The following TMEM132B variants were observed in gnomAD, a reference collection of about 807,000 sequenced individuals.
TMEM132B encodes the protein transmembrane protein 132B.
TMEM132B carries 18 observed loss-of-function variants against 90.8 expected under a neutral mutation model. That is an observed-to-expected ratio of 0.20 (90% CI 0.14 to 0.29). The LOEUF is 0.29. TMEM132B is among the 10% of genes least tolerant of loss of function. The pLI is 1.00. For synonymous variants in TMEM132B, 504 were observed against 523.3 expected (o/e 0.96, Z 0.50); for missense variants, 1,096 against 1,326.8 (o/e 0.83, Z 2.70).
intron 1 of TMEM132B, among the ~76,000 whole-genome samples, chr12:125,297,245 G>A (rs551503227): frequency 3.9e-5 from 6 of 152,196 alleles, no homozygotes; most frequent in Non-Finnish European, 5.9e-5. Context: ...GAAGGGGATC[G>A]TCTCATGTCC....
intron 1 of TMEM132B, among the ~76,000 whole-genome samples, chr12:125,195,026 T>C (rs1872894176): frequency 6.6e-6 from 1 of 152,166 alleles, no homozygotes; most frequent in African/African-American, 2.4e-5. Flanking sequence ...TTCTGGGCAG[T>C]GTTGGCCTCG....
intron 3 of TMEM132B, among the ~76,000 whole-genome samples, chr12:125,515,858 TCC>T (rs1883139124): frequency 6.6e-6 from 1 of 151,404 alleles, no homozygotes; most frequent in African/African-American, 2.4e-5. Flanking sequence ...CCACACATTC[TCC>T]CTGTCACACA....
chr12:125,219,440 C>A (rs1039718945), intron 1 of TMEM132B, among the ~76,000 whole-genome samples: 3 of 152,152 alleles, frequency 2.0e-5, no homozygotes, highest in African/African-American at 7.2e-5. Context: ...CTGGAGTGGG[C>A]AGCTGTTTGT....
chr12:125,531,176 T>TTTTTG (rs1439794267), intron 4 of TMEM132B, among the ~76,000 whole-genome samples: 1 of 152,140 alleles, frequency 6.6e-6, no homozygotes, highest in Admixed American at 6.5e-5. Context: ...TTTTCTTTTC[T>TTTTTG]TTTTGTTTTG....
chr12:125,637,202 T>G (rs1008493510), intron 5 of TMEM132B, among the ~76,000 whole-genome samples: 1 of 152,228 alleles, frequency 6.6e-6, no homozygotes, highest in Admixed American at 6.5e-5. Flanking sequence ...TCTGGCTGTC[T>G]TGATTTTGTC....
chr12:125,542,749 G>A (rs570452135), intron 4 of TMEM132B, among the ~76,000 whole-genome samples: 1 of 152,288 alleles, frequency 6.6e-6, no homozygotes, highest in South Asian at 2.1e-4. Context: ...ATGGACACTT[G>A]GGTTGCTGCC....
At chr12:125,304,223 G>A (rs958981178) in intron 1 of TMEM132B, among the ~76,000 whole-genome samples, 53 of 152,320 alleles carry the variant, frequency 3.5e-4, no homozygotes, top group Admixed American at 6.5e-4. Context: ...GATGGGGAGC[G>A]GCGGTAAACA....
In TMEM132B at chr12:125,519,488, A is replaced by G. The variant is rs575623220; in HGVS notation, c.1156A>G (p.Asn386Asp). Residue 386 changes from asparagine to aspartate, a missense_variant, in exon 4 of 9, where the codon AAT becomes GAT. Physicochemically the swap from Asn to Asp is conservative, Grantham distance 23 (BLOSUM62 1). Coordinates refer to ENST00000682704, the MANE Select transcript of TMEM132B (RefSeq NM_001366854.1). ...CTTGCAAGTGGACTTTGGAATTGAT[A>G]ATAGCAGTGACCTGGCTGGGGCCCA... ...EILQVDFGIDNSSDLAGAQQI... is the reference protein window; with the variant it reads ...EILQVDFGIDDSSDLAGAQQI... The G allele has an allele frequency of 6.2e-7, 1 of 1,614,088 alleles. No homozygotes were observed. Among genetic ancestry groups the G allele is most frequent in the African/African-American group, 1.3e-5 (1 of 75,050 alleles).
intron 3 of TMEM132B, among the ~76,000 whole-genome samples, chr12:125,451,630 GTTT>G (rs34121565): frequency 1.4e-5 from 2 of 145,264 alleles, no homozygotes; most frequent in Admixed American, 6.8e-5. Flanking sequence ...GTGGTCTACT[GTTT>G]TTTTTTTTTT....
chr12:125,188,851 G>GGAAA (rs1957776736), intron 1 of TMEM132B, among the ~76,000 whole-genome samples: 1 of 9,912 alleles, frequency 1.0e-4, no homozygotes, highest in Non-Finnish European at 2.0e-4. Context: ...AGGAGGGATG[G>GGAAA]CAAAAAAAAA....
intron 3 of TMEM132B, among the ~76,000 whole-genome samples, chr12:125,484,563 C>T (rs1180958132): frequency 6.6e-6 from 1 of 152,102 alleles, no homozygotes. Context: ...ACTGGTGAGG[C>T]TGTTAATTTG....
At chr12:125,509,023 A>G (rs1261508564) in intron 3 of TMEM132B, among the ~76,000 whole-genome samples, 3 of 150,728 alleles carry the variant, frequency 2.0e-5, no homozygotes, top group Middle Eastern at 3.5e-3. Context: ...GCCTTAAGTG[A>G]CCCTCCCGCC....
chr12:125,362,264 T>C (rs546502779), intron 2 of TMEM132B, among the ~76,000 whole-genome samples: 32 of 152,342 alleles, frequency 2.1e-4, no homozygotes, highest in African/African-American at 7.0e-4. Flanking sequence ...ACTGACATGC[T>C]TGCAGAACAA....
intron 4 of TMEM132B, among the ~76,000 whole-genome samples, chr12:125,575,641 G>C (rs769244304): frequency 2.0e-4 from 31 of 151,900 alleles, no homozygotes; most frequent in Non-Finnish European, 3.1e-4. Flanking sequence ...TGCTGAGTCT[G>C]AAGTCATGAA....
intron 5 of TMEM132B, among the ~76,000 whole-genome samples, chr12:125,594,804 A>T (rs1231998916): frequency 3.3e-5 from 5 of 152,186 alleles, no homozygotes; most frequent in Non-Finnish European, 7.3e-5. Flanking sequence ...AATACGTTAT[A>T]TTTGAAAATA....
At chr12:125,210,388 C>T (rs1873292593) in intron 1 of TMEM132B, among the ~76,000 whole-genome samples, 1 of 152,286 alleles carries the variant, frequency 6.6e-6, no homozygotes, top group East Asian at 1.9e-4. Context: ...GGGATGTGGA[C>T]TGCCGATGAG....
chr12:125,349,370 G>T lies in TMEM132B; in HGVS notation c.68-82G>T. 1 of 1,476,916 alleles carries T rather than the reference G, an allele frequency of 6.8e-7. No homozygotes were observed. The highest frequency in any genetic ancestry group is 1.4e-5 in the South Asian group (1 of 71,998). 91.5% of individuals were successfully genotyped at this position (1,476,916 alleles called of 1,614,324 possible). The stretch of plus-strand genomic sequence containing the variant: ...AGTGGCCAGTGGGCGGTTTGTTGGG[G>T]AGGTGGGTGGAGACTGCACTGCATT... On this transcript the variant is annotated intron_variant, in intron 1 of 8. Coordinates refer to ENST00000682704, the MANE Select transcript of TMEM132B (RefSeq NM_001366854.1). The surrounding 1 kb of genome is among the most constrained non-coding windows in gnomAD (Gnocchi z 4.1).
At chr12:125,352,503 C>T (rs965688072) in intron 2 of TMEM132B, among the ~76,000 whole-genome samples, 6 of 152,320 alleles carry the variant, frequency 3.9e-5, no homozygotes, top group South Asian at 4.1e-4. Context: ...AGTCACTTAT[C>T]GTCTCTGGAC....
intron 7 of TMEM132B, among the ~76,000 whole-genome samples, chr12:125,651,347 T>G (rs1886914095): frequency 6.6e-6 from 1 of 152,234 alleles, no homozygotes; most frequent in Non-Finnish European, 1.5e-5. Context: ...TTTTAACCTT[T>G]TAGTTGTATC....
Sources: allele counts gnomAD v4.1 joint callset (sites outside exome capture counted in the v4.1 genomes callset), GRCh38; gene constraint gnomAD v4.1.1; non-coding constraint Gnocchi (gnomAD v3.1); transcripts MANE v1.5; gene names NCBI Gene and HGNC (gene_info 2026-07-23, HGNC 2026-07-21).